PCDHA2: variants seen among roughly 807,000 people sequenced by gnomAD.
The protein encoded by PCDHA2 is protocadherin alpha-2.
Under a neutral mutation model 66.0 loss-of-function variants are expected in PCDHA2, and 58 were observed. That is an observed-to-expected ratio of 0.88 (90% confidence interval 0.71 to 1.09). The LOEUF (loss-of-function observed/expected upper bound fraction) is 1.09, where lower values mean the gene tolerates loss of function less well. Among genes scored for constraint, PCDHA2 ranks in the 50% least tolerant of loss-of-function variants. The pLI is 0.00. For missense variants in PCDHA2, 1,267 were observed against 1,242.3 expected, an observed-to-expected ratio of 1.02 and a Z score of -0.30; for synonymous variants, 634 against 554.0, an observed-to-expected ratio of 1.14 and a Z score of -2.03.
chr5:140,882,127 C>A (rs2058964637), intron 1 of PCDHA2: 23 of 1,464,566 alleles, frequency 1.6e-5, no homozygotes, highest in Admixed American at 4.6e-5. Flanking sequence ...TTTCTTTCTT[C>A]CTGCAGAAAA....
intron 1 of PCDHA2, chr5:140,966,703 G>A: frequency 1.5e-6 from 2 of 1,376,398 alleles, no homozygotes; most frequent in Non-Finnish European, 1.9e-6. Flanking sequence ...CCCGGGCGTG[G>A]GGCACGGCTG....
intron 3 of PCDHA2, among the ~76,000 whole-genome samples, chr5:140,984,824 C>T (rs920985683): frequency 6.6e-6 from 1 of 151,980 alleles, no homozygotes; most frequent in African/African-American, 2.4e-5. Flanking sequence ...TCTTAATTAC[C>T]CTTTCTGTAA....
At chr5:140,978,397 C>G (rs2096799745) in intron 1 of PCDHA2, among the ~76,000 whole-genome samples, 1 of 152,080 alleles carries the variant, frequency 6.6e-6, no homozygotes, top group Non-Finnish European at 1.5e-5. Flanking sequence ...CCCTAGTATC[C>G]CTCTTCAATC....
chr5:140,876,228 T>G (rs1196218506), intron 1 of PCDHA2: 6 of 1,613,958 alleles, frequency 3.7e-6, no homozygotes, highest in Non-Finnish European at 5.1e-6. Flanking sequence ...TAGTGTTGTC[T>G]GAAAATGTCC....
intron 1 of PCDHA2, chr5:140,822,487 G>A: frequency 6.2e-7 from 1 of 1,613,762 alleles, no homozygotes; most frequent in South Asian, 1.1e-5. Context: ...TAATGATAAC[G>A]CCCCAGAATT....
intron 3 of PCDHA2, among the ~76,000 whole-genome samples, chr5:140,991,033 T>C (rs2097428117): frequency 6.6e-6 from 1 of 152,212 alleles, no homozygotes; most frequent in African/African-American, 2.4e-5. Context: ...ATATGTTGCA[T>C]ACTTAACTTT....
intron 1 of PCDHA2, among the ~76,000 whole-genome samples, chr5:140,920,661 T>C (rs1301918138): frequency 3.9e-5 from 6 of 152,042 alleles, no homozygotes; most frequent in African/African-American, 1.4e-4. Flanking sequence ...CTTGCCAACA[T>C]GGTGAAACCC....
Position 140,877,000 on chromosome 5 carries a change from G to A in PCDHA2, c.2388+79648G>A, listed in dbSNP as rs191376557. The stretch of plus-strand genomic sequence containing the variant: ...GCACGCACTGTCGAGCTACGTGTCG[G>A]TGCACGCGGAGAGCGGCAAGGTGTA... On this transcript the variant is annotated intron_variant, in intron 1 of 3. Transcript: ENST00000526136. 1.7e-3 allele frequency: 2,818 copies of A among 1,612,598 alleles called. 5 individuals carry two copies. The highest frequency in any genetic ancestry group is 1.8e-3 in the Non-Finnish European group (2,166 of 1,179,806).
intron 1 of PCDHA2, among the ~76,000 whole-genome samples, chr5:140,905,308 T>C (rs1194215404): frequency 1.3e-5 from 2 of 152,120 alleles, no homozygotes; most frequent in African/African-American, 4.8e-5. Flanking sequence ...TTTCCACACT[T>C]TGTGTTTGTA....
chr5:140,869,580 T>C (rs1325973038), intron 1 of PCDHA2: 4 of 1,614,046 alleles, frequency 2.5e-6, no homozygotes, highest in Non-Finnish European at 3.4e-6. Flanking sequence ...GAGCTTCTGA[T>C]GCTGACATTG....
intron 1 of PCDHA2, among the ~76,000 whole-genome samples, chr5:140,899,462 T>C (rs2067338282): frequency 6.6e-6 from 1 of 152,366 alleles, no homozygotes; most frequent in Admixed American, 6.5e-5. Context: ...GTGGTTTTTG[T>C]CTTTGGTTCT....
intron 1 of PCDHA2, among the ~76,000 whole-genome samples, chr5:140,885,040 T>C (rs2060438917): frequency 6.6e-6 from 1 of 152,226 alleles, no homozygotes; most frequent in African/African-American, 2.4e-5. Context: ...AATTTTTAGT[T>C]TAATGTATAC....
intron 1 of PCDHA2, chr5:140,859,327 AAAT>A (rs2045812871): frequency 7.8e-6 from 1 of 128,784 alleles, no homozygotes; most frequent in Non-Finnish European, 1.8e-5. Flanking sequence ...TTTGAGGAGA[AAAT>A]AAAATTAATG....
intron 1 of PCDHA2, chr5:140,800,999 C>A: frequency 1.4e-6 from 2 of 1,401,898 alleles, no homozygotes; most frequent in South Asian, 1.7e-5. Flanking sequence ...ACACGTTTAG[C>A]CACATGATGT....
intron 1 of PCDHA2, among the ~76,000 whole-genome samples, chr5:140,896,952 T>G (rs2153454853): frequency 6.6e-6 from 1 of 152,352 alleles, no homozygotes; most frequent in East Asian, 1.9e-4. Context: ...GCCATTCCCT[T>G]AAACATTTAT....
At position 140,888,063 on chromosome 5, in the gene PCDHA2, T is replaced by A. The variant is rs1412671068; in HGVS notation, c.2388+90711T>A. On this transcript the variant is annotated intron_variant, in intron 1 of 3. Coordinates refer to ENST00000526136, the MANE Select transcript of PCDHA2 (RefSeq NM_018905.3). Reference sequence around the variant, plus strand: ...TGTATAATAGATGTTTTAACTTTCTTGTCTGCTAATTTCAACATTTTTGTC... The same window carrying A: ...TGTATAATAGATGTTTTAACTTTCTAGTCTGCTAATTTCAACATTTTTGTC... Among the ~76,000 whole-genome samples the A allele has an allele frequency of 2.0e-5, 3 of 152,238 alleles. No homozygotes were observed. In the East Asian group the frequency reaches 5.8e-4, roughly 29 times the overall value.
rs1466426021 is a variant in PCDHA2 at position 140,917,334 on chromosome 5, G to C, written c.2389-61615G>C. On this transcript the variant is annotated intron_variant, in intron 1 of 3. Transcript: ENST00000526136. ...TTGGTGTTCATGTGGCGGGGGAGGG[G>C]GGGGATGGTGTAGGCTTCTGTTCCA... Among the ~76,000 whole-genome samples the C allele has an allele frequency of 4.7e-5, 7 of 147,744 alleles. 2 individuals carry two copies. The highest frequency in any genetic ancestry group is 1.4e-4 in the Admixed American group (2 of 14,792).
chr5:140,979,592 T>C (rs1554240865), intron 2 of PCDHA2, among the ~76,000 whole-genome samples: 1 of 152,248 alleles, frequency 6.6e-6, no homozygotes, highest in African/African-American at 2.4e-5. Flanking sequence ...CTAGCTTACT[T>C]TAAATTAACC....
At chr5:140,944,870 A>T (rs2093703572) in intron 1 of PCDHA2, among the ~76,000 whole-genome samples, 1 of 152,058 alleles carries the variant, frequency 6.6e-6, no homozygotes, top group Non-Finnish European at 1.5e-5. Flanking sequence ...TATCTTAACC[A>T]CCTACTCCAC....
Sources: gnomAD v4.1 joint callset for allele counts (sites outside exome capture counted in the v4.1 genomes callset) on GRCh38, gnomAD v4.1.1 for gene constraint, MANE v1.5 for transcripts, NCBI Gene and HGNC (gene_info 2026-07-23, HGNC 2026-07-21) for gene names.